The following VXN variants were observed in gnomAD, a reference collection of about 807,000 sequenced individuals.
VXN encodes the protein uncharacterized protein C8orf46.
A neutral mutation model predicts 23.1 loss-of-function variants in VXN; 7 were observed. The observed-to-expected ratio is 0.30, with a 90% CI of 0.17 to 0.57. The LOEUF is 0.57. VXN is among the 20% of genes least tolerant of loss of function. VXN has a pLI of 0.91. For synonymous variants in VXN, 120 were observed against 105.8 expected, an observed-to-expected ratio of 1.13 and a Z score of -0.83; for missense variants, 238 against 272.6, an observed-to-expected ratio of 0.87 and a Z score of 0.89.
chr8:66,504,468 C>A (rs1345501644), intron 2 of VXN, among the ~76,000 whole-genome samples: 1 of 149,792 alleles, frequency 6.7e-6, no homozygotes, highest in Non-Finnish European at 1.5e-5. Context: ...AGGATCGAAG[C>A]CCAAACTACC....
At chr8:66,496,381 C>G in intron 1 of VXN, 56 bp from the exon 2 acceptor site, 1 of 1,522,116 alleles carries the variant, frequency 6.6e-7, no homozygotes, top group Non-Finnish European at 9.1e-7. Flanking sequence ...GTTACTGTAG[C>G]TATGTCAGCC....
At chr8:66,507,721 G>A (rs1807775347) in intron 3 of VXN, among the ~76,000 whole-genome samples, 1 of 149,784 alleles carries the variant, frequency 6.7e-6, no homozygotes, top group Non-Finnish European at 1.5e-5. Context: ...AAAAAAGAGA[G>A]AGAGAGAGAG....
chr8:66,512,132 G>A (rs1046715655), intron 4 of VXN, among the ~76,000 whole-genome samples: 1 of 151,942 alleles, frequency 6.6e-6, no homozygotes, highest in Non-Finnish European at 1.5e-5. Flanking sequence ...CTCAGGCCTG[G>A]AGATAGTGGG....
chr8:66,505,311 G>T (rs1165405191), intron 2 of VXN, 64 bp from the exon 3 acceptor site: 2 of 1,549,738 alleles, frequency 1.3e-6, no homozygotes, highest in South Asian at 1.2e-5. Flanking sequence ...TCCTGCCCTG[G>T]GGTTCCATGG....
intron 5 of VXN, chr8:66,513,996 T>C (rs888052216): frequency 5.0e-6 from 1 of 201,944 alleles, no homozygotes; most frequent in Non-Finnish European, 9.8e-6. Context: ...ATGAGTAAGT[T>C]CAAGATCCCC....
At chr8:66,510,443 G>C in intron 4 of VXN, 1 of 324,026 alleles carries the variant, frequency 3.1e-6, no homozygotes, top group East Asian at 7.1e-5. Context: ...GGTGAGGGGT[G>C]GGGGCAGGAT....
chr8:66,507,310 C>T (rs1003826210), intron 3 of VXN, among the ~76,000 whole-genome samples: 11 of 152,172 alleles, frequency 7.2e-5, no homozygotes, highest in Non-Finnish European at 1.6e-4. Context: ...AACCCTCTCC[C>T]CACCATCCCT....
chr8:66,497,137 C>A (rs1398240769), intron 2 of VXN, among the ~76,000 whole-genome samples: 1 of 152,182 alleles, frequency 6.6e-6, no homozygotes, highest in Admixed American at 6.5e-5. Context: ...TCTGCCTTGG[C>A]CTTCCAAAGT....
At position 66,505,527 on chromosome 8, in the gene VXN, C is replaced by T; in HGVS notation, c.279C>T (p.Pro93=). 1 of 1,506,112 alleles carries T rather than the reference C, an allele frequency of 6.6e-7. No individual in the cohort carries two copies. The highest frequency in any genetic ancestry group is 8.8e-7 in the Non-Finnish European group (1 of 1,131,924). The allele number at this position is 1,506,112 out of a possible 1,614,324, so 93.3% of individuals were successfully genotyped here. The change falls in exon 3 of 6, where the codon CCC becomes CCT. Residue 93 remains proline (P), a splice_region_variant and synonymous_variant. Coordinates refer to ENST00000305454, the MANE Select transcript of VXN (RefSeq NM_152765.4). The part of the protein sequence containing the change: ...TAHPAKASAR[P]VGISEPKTSN... Reference sequence around the variant, plus strand: ...ACCCGGCCAAAGCCTCTGCCAGACCCGGTACGTGAGTCCCGGCCCCAGCTC... The same window carrying T: ...ACCCGGCCAAAGCCTCTGCCAGACCTGGTACGTGAGTCCCGGCCCCAGCTC...
At chr8:66,494,202 T>C (rs1279510666) in intron 1 of VXN, among the ~76,000 whole-genome samples, 1 of 152,202 alleles carries the variant, frequency 6.6e-6, no homozygotes, top group African/African-American at 2.4e-5. Flanking sequence ...GCCCTGACCC[T>C]GGGCTGGCTT....
rs1356110647 is a variant in VXN, at chr8:66,516,189, A to C, written c.*113A>C. 3 of 926,040 alleles carry C rather than the reference A, an allele frequency of 3.2e-6. No individual in the cohort carries two copies. The highest frequency in any genetic ancestry group is 4.7e-6 in the Non-Finnish European group (3 of 644,808). The allele number at this position is 926,040 out of a possible 1,614,324, so 57.4% of individuals were successfully genotyped here. The stretch of plus-strand genomic sequence containing the variant: ...CTCTGCTAGTAGCTGGTCCAAACCC[A>C]TTATCCTCCCTCACTCATTGATTAC... On this transcript the variant is annotated 3_prime_UTR_variant, in exon 6 of 6. Coordinates refer to ENST00000305454, the MANE Select transcript of VXN (RefSeq NM_152765.4).
At chr8:66,495,650 T>C (rs991160252) in intron 1 of VXN, among the ~76,000 whole-genome samples, 4 of 152,242 alleles carry the variant, frequency 2.6e-5, no homozygotes, top group African/African-American at 9.6e-5. Context: ...CACTTCCTTG[T>C]GGTACAAGAG....
chr8:66,505,640 C>T (rs1017720543), intron 3 of VXN, 112 bp downstream of exon 3: 23 of 1,278,054 alleles, frequency 1.8e-5, no homozygotes, highest in Admixed American at 3.1e-5. Flanking sequence ...GCCTCAGTCG[C>T]GCCAGGTGAC....
At chr8:66,501,233 G>A (rs572227885) in intron 2 of VXN, 26 of 152,218 alleles carry the variant, frequency 1.7e-4, no homozygotes, top group Admixed American at 3.9e-4. Context: ...ATGAATTTGC[G>A]TGTTACCCTT....
chr8:66,507,925 T>C (rs1202537245), intron 3 of VXN, among the ~76,000 whole-genome samples: 2 of 152,054 alleles, frequency 1.3e-5, no homozygotes, highest in African/African-American at 2.4e-5. Context: ...GCAGTAGCCG[T>C]CTCACCTGGG....
intron 4 of VXN, among the ~76,000 whole-genome samples, chr8:66,512,786 G>C (rs1807839410): frequency 6.6e-6 from 1 of 152,178 alleles, no homozygotes; most frequent in South Asian, 2.1e-4. Flanking sequence ...TCAAGTCAGA[G>C]GGTGAAAGAG....
At chr8:66,513,045 G>C (rs990066053) in intron 4 of VXN, among the ~76,000 whole-genome samples, 1 of 152,180 alleles carries the variant, frequency 6.6e-6, no homozygotes, top group Non-Finnish European at 1.5e-5. Flanking sequence ...AAGGAGGTCC[G>C]AGGTCACTGT....
At position 66,516,561 on chromosome 8, in the gene VXN, T is replaced by C. The variant is rs1807899072; in HGVS notation, c.*485T>C. 6.6e-6 allele frequency: 1 copy of C among 152,256 alleles called. No individual in the cohort carries two copies. The highest frequency in any genetic ancestry group is 1.5e-5 in the Non-Finnish European group (1 of 68,092). The allele number at this position is 152,256 out of a possible 1,614,324, so 9.4% of individuals were successfully genotyped here. A position where few individuals can be genotyped will look rare whatever the true frequency, so the allele number is the denominator to read the frequency against. ...CAAGGACAAAGCACTATATATAAAGTTAGTAGTTCTAATATCCACTTGAGA... is the reference window on the plus strand; with the variant it reads ...CAAGGACAAAGCACTATATATAAAGCTAGTAGTTCTAATATCCACTTGAGA... On this transcript the variant is annotated 3_prime_UTR_variant, in exon 6 of 6. Coordinates refer to ENST00000305454, the MANE Select transcript of VXN (RefSeq NM_152765.4).
chr8:66,512,326 T>G (rs562992384), intron 4 of VXN, among the ~76,000 whole-genome samples: 141 of 152,202 alleles, frequency 9.3e-4, no homozygotes, highest in African/African-American at 3.3e-3. Context: ...CACCGGCCCA[T>G]GGCATAATGG....
Sources: gnomAD v4.1 joint callset for allele counts (sites outside exome capture counted in the v4.1 genomes callset) on GRCh38, gnomAD v4.1.1 for gene constraint, MANE v1.5 for transcripts, NCBI Gene and HGNC (gene_info 2026-07-23, HGNC 2026-07-21) for gene names.